The following CCDC192 variants were observed in gnomAD, a reference collection of about 807,000 sequenced individuals.
The protein encoded by CCDC192 is coiled-coil domain containing 192.
intron 3 of CCDC192, chr5:127,784,676 T>C: frequency 1.4e-6 from 1 of 716,936 alleles, no homozygotes; most frequent in Non-Finnish European, 2.4e-6. Context: ...TCTTTCTCAA[T>C]TAGAATGTCA....
At chr5:127,799,144 G>A (rs1314759533) in intron 5 of CCDC192, among the ~76,000 whole-genome samples, 1 of 152,084 alleles carries the variant, frequency 6.6e-6, no homozygotes, top group Non-Finnish European at 1.5e-5. Context: ...ACTACACCAG[G>A]CCCCTCAGAC....
At chr5:127,723,612 TAAGAG>T (rs1752148716) in intron 2 of CCDC192, among the ~76,000 whole-genome samples, 1 of 152,210 alleles carries the variant, frequency 6.6e-6, no homozygotes, top group Admixed American at 6.5e-5. Flanking sequence ...AAAATTTCCT[TAAGAG>T]AAGATATCAT....
At chr5:127,787,566 T>C (rs1447808039) in intron 3 of CCDC192, among the ~76,000 whole-genome samples, 1 of 152,242 alleles carries the variant, frequency 6.6e-6, no homozygotes, top group African/African-American at 2.4e-5. Flanking sequence ...TTTTTAGCTT[T>C]ATTCTCTATT....
chr5:127,793,210 A>T (rs1004234115), intron 3 of CCDC192, among the ~76,000 whole-genome samples: 4 of 152,208 alleles, frequency 2.6e-5, no homozygotes, highest in Non-Finnish European at 5.9e-5. Context: ...TTGTGGAATT[A>T]AGACTAAAAC....
intron 6 of CCDC192, among the ~76,000 whole-genome samples, chr5:127,937,177 T>A (rs1337881262): frequency 1.3e-5 from 2 of 152,350 alleles, no homozygotes; most frequent in East Asian, 1.9e-4. Flanking sequence ...AATTTTAGTA[T>A]GTCTTTAGGT....
intron 5 of CCDC192, among the ~76,000 whole-genome samples, chr5:127,807,380 C>T (rs1201914778): frequency 1.3e-5 from 2 of 152,084 alleles, no homozygotes; most frequent in Non-Finnish European, 2.9e-5. Flanking sequence ...AGTACTTTCT[C>T]GGCACATTTC....
rs544948740 is a variant in CCDC192 at position 127,745,266 on chromosome 5, G to C, written c.115-9002G>C. Among the ~76,000 whole-genome samples the C allele has an allele frequency of 9.2e-5, 14 of 152,272 alleles. No individual in the cohort carries two copies. In the East Asian group the frequency reaches 1.3e-3, roughly 15 times the overall value. On this transcript the variant is annotated intron_variant, in intron 2 of 6. Transcript: ENST00000514853. Reference sequence around the variant, plus strand: ...GTCATTTTAGGACAGAGAAATAAAGGCTTAACAGCAAGGTAGAGGATAATG... The same window carrying C: ...GTCATTTTAGGACAGAGAAATAAAGCCTTAACAGCAAGGTAGAGGATAATG...
chr5:127,829,889 C>T (rs921857020), intron 5 of CCDC192, among the ~76,000 whole-genome samples: 20 of 151,990 alleles, frequency 1.3e-4, no homozygotes, highest in Non-Finnish European at 2.4e-4. Flanking sequence ...AATAACATAC[C>T]GGTGGCTTGA....
chr5:127,788,201 G>T (rs898706997), intron 3 of CCDC192, among the ~76,000 whole-genome samples: 4 of 151,204 alleles, frequency 2.6e-5, no homozygotes, highest in African/African-American at 4.9e-5. Context: ...GGACTCCATT[G>T]TTTGGTGCAT....
At chr5:127,785,515 A>G in intron 3 of CCDC192, 1 of 186,706 alleles carries the variant, frequency 5.4e-6, no homozygotes, top group South Asian at 1.3e-4. Context: ...GCCTTCCCTT[A>G]GAGTTGGAAC....
chr5:127,880,176 A>C (rs1752288341), intron 6 of CCDC192, among the ~76,000 whole-genome samples: 1 of 150,928 alleles, frequency 6.6e-6, no homozygotes, highest in Admixed American at 6.6e-5. Context: ...GGCATTATTC[A>C]CAATAGCAAA....
At chr5:127,772,413 G>A (rs945452801) in intron 3 of CCDC192, among the ~76,000 whole-genome samples, 1 of 148,432 alleles carries the variant, frequency 6.7e-6, no homozygotes, top group Non-Finnish European at 1.5e-5. Context: ...GTTGAGGTGA[G>A]CCAAGATCAC....
intron 6 of CCDC192, among the ~76,000 whole-genome samples, chr5:127,929,990 G>A (rs1753973587): frequency 6.6e-6 from 1 of 152,172 alleles, no homozygotes. Flanking sequence ...AATCACTTGA[G>A]GTTAGGAGTT....
chr5:127,874,719 A>G (rs1480746789), intron 5 of CCDC192, among the ~76,000 whole-genome samples: 1 of 152,200 alleles, frequency 6.6e-6, no homozygotes, highest in Non-Finnish European at 1.5e-5. Context: ...TGAGCTCTTC[A>G]GTGGAAAGGT....
intron 2 of CCDC192, among the ~76,000 whole-genome samples, chr5:127,753,296 A>G (rs1019256625): frequency 6.6e-6 from 1 of 152,232 alleles, no homozygotes; most frequent in African/African-American, 2.4e-5. Flanking sequence ...GTATCACAAT[A>G]GCAAAAGAGT....
intron 3 of CCDC192, among the ~76,000 whole-genome samples, chr5:127,779,169 CT>C (rs1325843920): frequency 1.3e-4 from 19 of 151,984 alleles, no homozygotes; most frequent in Non-Finnish European, 2.5e-4. Flanking sequence ...GATGTGACAT[CT>C]TTTTCATTTT....
intron 6 of CCDC192, among the ~76,000 whole-genome samples, chr5:127,934,735 T>C (rs1754141473): frequency 6.6e-6 from 1 of 152,214 alleles, no homozygotes; most frequent in African/African-American, 2.4e-5. Flanking sequence ...ATAGAAAACC[T>C]AAAAAGTTTT....
At chr5:127,833,896 G>A (rs1364555645) in intron 5 of CCDC192, among the ~76,000 whole-genome samples, 1 of 152,100 alleles carries the variant, frequency 6.6e-6, no homozygotes, top group East Asian at 1.9e-4. Flanking sequence ...TGTTTACCAT[G>A]CATCCACAAT....
chr5:127,767,971 C>T lies in CCDC192; in HGVS notation c.222+13596C>T, dbSNP rs143942224. Among the ~76,000 whole-genome samples, 6 of 152,116 alleles carry T rather than the reference C, an allele frequency of 3.9e-5. No individual in the cohort carries two copies. The East Asian group carries it at 9.7e-4, about 25-fold the overall frequency. On this transcript the variant is annotated intron_variant, in intron 3 of 6. Transcript: ENST00000514853. The stretch of plus-strand genomic sequence containing the variant: ...CACATGTAAGTAGTAAAGATAAGGT[C>T]GGCAGGGTGTGGTGGCTCACTCCTG...
Sources: allele counts gnomAD v4.1 joint callset (sites outside exome capture counted in the v4.1 genomes callset), GRCh38; gene constraint gnomAD v4.1.1; transcripts MANE v1.5; gene names NCBI Gene and HGNC (gene_info 2026-07-23, HGNC 2026-07-21).